SPPL3: variants seen among roughly 807,000 people sequenced by gnomAD.
SPPL3 encodes signal peptide peptidase like 3, also known as signal peptide peptidase-like 3.
SPPL3 carries 5 observed loss-of-function variants against 42.4 expected under a neutral mutation model. The ratio of observed to expected loss-of-function variants is 0.12; its 90% CI spans 0.06 to 0.25. The LOEUF (loss-of-function observed/expected upper bound fraction) is 0.25. SPPL3 is among the 10% of genes least tolerant of loss of function. The pLI is 1.00. For synonymous variants in SPPL3, 195 were observed against 181.8 expected (o/e 1.07, Z -0.58); for missense variants, 235 against 489.0 (o/e 0.48, Z 4.90).
rs1461434641 is a variant in SPPL3, at chr12:120,853,976, GCACACATACA to G, written c.24-43100_24-43091del. On this transcript the variant is annotated intron_variant, in intron 1 of 10. Transcript: ENST00000353487. Reference sequence around the variant, plus strand: ...CAAACACCACCACCACCACACACACGCACACATACACACACACACACACACACACACACAC... The same window carrying G: ...CAAACACCACCACCACCACACACACGCACACACACACACACACACACACAC... 9.3e-5 allele frequency among the ~76,000 whole-genome samples: 6 copies of G among 64,198 alleles called. No homozygotes were observed. In the East Asian group the frequency reaches 1.4e-3, roughly 15 times the overall value. 42.1% of individuals were successfully genotyped at this position (64,198 alleles called of 152,430 possible). A position where few individuals can be genotyped will look rare whatever the true frequency, so the allele number is the denominator to read the frequency against.
In SPPL3 at chr12:120,853,987, C is replaced by T. The variant is rs918221941; in HGVS notation, c.24-43101G>A. ...ACCACCACACACACGCACACATACA[C>T]ACACACACACACACACACACACACA... On this transcript the variant is annotated intron_variant, in intron 1 of 10. Coordinates refer to ENST00000353487, the MANE Select transcript of SPPL3 (RefSeq NM_139015.5). Among the ~76,000 whole-genome samples the T allele has an allele frequency of 2.6e-4, 10 of 37,820 alleles. No homozygotes were observed. The South Asian group carries it at 4.8e-3, about 18-fold the overall frequency. The allele number at this position is 37,820 out of a possible 152,430, so 24.8% of individuals were successfully genotyped here.
intron 2 of SPPL3, among the ~76,000 whole-genome samples, chr12:120,797,557 C>T (rs1464682779): frequency 6.6e-6 from 1 of 152,036 alleles, no homozygotes; most frequent in Non-Finnish European, 1.5e-5. Context: ...GTCTCTGTTT[C>T]TCTATCTTGG....
chr12:120,808,487 A>G (rs2136999888), intron 2 of SPPL3, among the ~76,000 whole-genome samples: 1 of 152,314 alleles, frequency 6.6e-6, no homozygotes, highest in South Asian at 2.1e-4. Flanking sequence ...CAATCCTAAA[A>G]TGATATAGCC....
intron 1 of SPPL3, among the ~76,000 whole-genome samples, chr12:120,858,434 T>A (rs1592998968): frequency 2.1e-5 from 3 of 139,770 alleles, no homozygotes; most frequent in South Asian, 2.3e-4. Flanking sequence ...CCAGCCTGGG[T>A]AACAAAAACA....
intron 1 of SPPL3, among the ~76,000 whole-genome samples, chr12:120,815,503 T>A (rs999464476): frequency 1.3e-5 from 2 of 152,206 alleles, no homozygotes. Context: ...TCTGAGGAAC[T>A]TTTCTTCTGA....
rs183867265 is a variant in SPPL3, at chr12:120,784,392, A to G, written c.310+82T>C. On this transcript the variant is annotated intron_variant, in intron 4 of 10. Coordinates refer to ENST00000353487, the MANE Select transcript of SPPL3 (RefSeq NM_139015.5). ...GAAAAACTTACATGACATGGTATAT[A>G]AATCTTAATTTTTGAACAATGATAA... 8.5e-6 allele frequency: 12 copies of G among 1,403,508 alleles called. No homozygotes were observed. In the African/African-American group the frequency reaches 1.6e-4, roughly 19 times the overall value. The allele number at this position is 1,403,508 out of a possible 1,614,324, so 86.9% of individuals were successfully genotyped here. A position where few individuals can be genotyped will look rare whatever the true frequency, so the allele number is the denominator to read the frequency against.
intron 1 of SPPL3, among the ~76,000 whole-genome samples, chr12:120,864,065 T>A (rs1872692480): frequency 6.6e-6 from 1 of 152,198 alleles, no homozygotes; most frequent in African/African-American, 2.4e-5. Flanking sequence ...TTAAAATCCA[T>A]GTCTGCCTTC....
intron 3 of SPPL3, among the ~76,000 whole-genome samples, chr12:120,787,549 G>C (rs1047221663): frequency 6.6e-6 from 1 of 151,992 alleles, no homozygotes. Flanking sequence ...TTATGGTGAA[G>C]CATCACACCC....
intron 1 of SPPL3, among the ~76,000 whole-genome samples, chr12:120,857,173 CAA>C (rs1849055851): frequency 6.6e-6 from 1 of 152,200 alleles, no homozygotes; most frequent in African/African-American, 2.4e-5. Context: ...CCAGAAAAGT[CAA>C]AAGAGGGAGC....
At chr12:120,830,580 GGAGAGA>G (rs151140429) in intron 1 of SPPL3, among the ~76,000 whole-genome samples, 1 of 7,312 alleles carries the variant, frequency 1.4e-4, no homozygotes, top group African/African-American at 3.4e-4. Flanking sequence ...AGGGGGGGAA[GGAGAGA>G]GAGAGAGAGA....
chr12:120,892,842 C>T (rs372492347), intron 1 of SPPL3, among the ~76,000 whole-genome samples: 1 of 151,514 alleles, frequency 6.6e-6, no homozygotes, highest in Admixed American at 6.6e-5. Flanking sequence ...ATTAGCCGGG[C>T]ATGGTGGCAG....
intron 1 of SPPL3, among the ~76,000 whole-genome samples, chr12:120,858,464 C>CA (rs61150500): frequency 0.13 from 18,477 of 141,606 alleles, 1,454 homozygotes; most frequent in East Asian, 0.3. Flanking sequence ...CTCAAGAAAA[C>CA]AAAAAAAAAA....
At chr12:120,854,487 C>T (rs1195134509) in intron 1 of SPPL3, among the ~76,000 whole-genome samples, 1 of 152,194 alleles carries the variant, frequency 6.6e-6, no homozygotes, top group Non-Finnish European at 1.5e-5. Context: ...CAGCTATGTG[C>T]TGTGTGACCA....
chr12:120,876,867 C>T (rs945445542), intron 1 of SPPL3, among the ~76,000 whole-genome samples: 3 of 149,176 alleles, frequency 2.0e-5, no homozygotes, highest in South Asian at 2.1e-4. Context: ...GAAAGAAGGA[C>T]GTGATAAACA....
chr12:120,892,708 C>T (rs1033400714), intron 1 of SPPL3, among the ~76,000 whole-genome samples: 87 of 152,172 alleles, frequency 5.7e-4, no homozygotes, highest in African/African-American at 1.9e-3. Context: ...AGAGGCCAGG[C>T]GCGGTGGCTC....
In SPPL3 at chr12:120,850,726, T is replaced by C. The variant is rs150125751; in HGVS notation, c.24-39840A>G. On this transcript the variant is annotated intron_variant, in intron 1 of 10. Coordinates refer to ENST00000353487, the MANE Select transcript of SPPL3 (RefSeq NM_139015.5). The stretch of plus-strand genomic sequence containing the variant: ...CTCATAGTTGCGGAGGTCATGAATC[T>C]GACATCGGTTTTATAGGGCTGGTTC... Among the ~76,000 whole-genome samples the C allele has an allele frequency of 3.4e-3, 515 of 152,328 alleles. 3 individuals are homozygous for C. The highest frequency in any genetic ancestry group is 0.012 in the African/African-American group (498 of 41,588).
Position 120,903,784 on chromosome 12 carries a change from C to T in SPPL3, c.23+61G>A, listed in dbSNP as rs1341830415. On this transcript the variant is annotated intron_variant, in intron 1 of 10. Coordinates refer to ENST00000353487, the MANE Select transcript of SPPL3 (RefSeq NM_139015.5). Reference sequence around the variant, plus strand: ...CTTCCTCCTCTTCCCCTCGGCGGGCCGCGCCGGCGCCCCGACCCCCACCCT... The same window carrying T: ...CTTCCTCCTCTTCCCCTCGGCGGGCTGCGCCGGCGCCCCGACCCCCACCCT... 5 of 1,272,094 alleles carry T rather than the reference C, an allele frequency of 3.9e-6. No individual in the cohort carries two copies. In the East Asian group the frequency reaches 1.3e-4, roughly 34 times the overall value. The allele number at this position is 1,272,094 out of a possible 1,614,324, so 78.8% of individuals were successfully genotyped here.
chr12:120,896,751 A>C (rs1151859), intron 1 of SPPL3, among the ~76,000 whole-genome samples: 73,223 of 151,468 alleles, frequency 0.48, 17,889 homozygotes, highest in East Asian at 0.56. Context: ...TACACTCTAG[A>C]CTGGGTGACA....
At chr12:120,844,270 CCTAAACCCTTCCA>C (rs1871942621) in intron 1 of SPPL3, among the ~76,000 whole-genome samples, 1 of 152,154 alleles carries the variant, frequency 6.6e-6, no homozygotes, top group Non-Finnish European at 1.5e-5. Flanking sequence ...CAAAACATAG[CCTAAACCCTTCCA>C]CTTCTGTTTC....
Sources: gnomAD v4.1 joint callset for allele counts (sites outside exome capture counted in the v4.1 genomes callset) on GRCh38, gnomAD v4.1.1 for gene constraint, MANE v1.5 for transcripts, NCBI Gene and HGNC (gene_info 2026-07-23, HGNC 2026-07-21) for gene names.